The following NINL variants were observed in gnomAD, a reference collection of about 807,000 sequenced individuals.
The protein encoded by NINL is ninein like, also known as ninein-like protein.
NINL carries 153 observed loss-of-function variants against 160.3 expected under a neutral mutation model. That is an observed-to-expected ratio of 0.95 (90% CI 0.84 to 1.09). The LOEUF is 1.09. Ranked by LOEUF, NINL falls within the 50% of genes least tolerant of loss-of-function variation. NINL has a pLI of 0.00. For missense variants in NINL, 1,829 were observed against 1,764.0 expected (o/e 1.04, Z -0.66); for synonymous variants, 800 against 734.8 (o/e 1.09, Z -1.43).
Position 25,479,107 on chromosome 20 carries a change from C to G in NINL, c.2017G>C (p.Glu673Gln). ...QARRREVSVL[E>Q]GQKADLEELH... The stretch of plus-strand genomic sequence containing the variant: ...TCCTCCAGGTCGGCCTTCTGACCCT[C>G]CAGCACGCTGACCTCGCGCCTGCGA... The change falls in exon 16 of 24, where the codon GAG becomes CAG. Residue 673 changes from glutamate (E) to glutamine (Q), a missense_variant. By Grantham distance (29) the Glu-to-Gln change is conservative. Coordinates refer to ENST00000278886, the MANE Select transcript of NINL (RefSeq NM_025176.6). 2 of 1,613,828 alleles carry G rather than the reference C, an allele frequency of 1.2e-6. No homozygotes were observed. Among genetic ancestry groups the G allele is most frequent in the Non-Finnish European group, 1.7e-6 (2 of 1,180,036 alleles).
chr20:25,565,926 C>T (rs1400810547), intron 1 of NINL, among the ~76,000 whole-genome samples: 2 of 152,168 alleles, frequency 1.3e-5, no homozygotes, highest in African/African-American at 2.4e-5. Context: ...CTTACACTGG[C>T]GACCCCCGCA....
At chr20:25,481,346 G>C (rs1040426126) in intron 14 of NINL, among the ~76,000 whole-genome samples, 1 of 152,134 alleles carries the variant, frequency 6.6e-6, no homozygotes. Context: ...CCTCCAAAGG[G>C]AGCACCACAG....
At chr20:25,468,390 T>C (rs1436375434) in intron 18 of NINL, among the ~76,000 whole-genome samples, 2 of 140,982 alleles carry the variant, frequency 1.4e-5, no homozygotes, top group African/African-American at 5.4e-5. Flanking sequence ...CCCTGCTCTG[T>C]CCCCCGACTC....
intron 1 of NINL, chr20:25,539,998 A>ACTGTAATAAT: frequency 7.8e-7 from 1 of 1,285,458 alleles, no homozygotes; most frequent in Non-Finnish European, 1.0e-6. Flanking sequence ...CAAGCAGCTC[A>ACTGTAATAAT]CTGTAATAAT....
At chr20:25,555,784 C>T (rs1350769495) in intron 1 of NINL, among the ~76,000 whole-genome samples, 4 of 152,270 alleles carry the variant, frequency 2.6e-5, no homozygotes, top group East Asian at 1.9e-4. Flanking sequence ...AAGCGATTCT[C>T]GTGCCTCAGC....
In NINL at chr20:25,453,462, G is replaced by A; in HGVS notation, c.4138C>T (p.Leu1380Phe). The A allele has an allele frequency of 6.2e-7, 1 of 1,608,914 alleles. No individual in the cohort carries two copies. Among genetic ancestry groups the A allele is most frequent in the Non-Finnish European group, 8.5e-7 (1 of 1,177,544 alleles). Residue 1380 changes from leucine to phenylalanine, a missense_variant, in exon 24 of 24, where the codon CTC (leucine) becomes TTC (phenylalanine). Physicochemically the swap from Leu to Phe is conservative, Grantham distance 22. Transcript: ENST00000278886. ...AAAATAATCTGTCTTTACACAGAGA[G>A]GGCTGCGGGGGCAATCCTACTGACG... Reference protein sequence around the residue: ...KLVSRIAPAALSV With the variant: ...KLVSRIAPAAFSV
intron 7 of NINL, among the ~76,000 whole-genome samples, chr20:25,501,462 G>A (rs2063866415): frequency 6.6e-6 from 1 of 152,200 alleles, no homozygotes; most frequent in Non-Finnish European, 1.5e-5. Context: ...TGGAAGGGCA[G>A]AAGTGCGCTG....
chr20:25,557,545 GA>G (rs374365028), intron 1 of NINL, among the ~76,000 whole-genome samples: 19 of 143,970 alleles, frequency 1.3e-4, no homozygotes, highest in Middle Eastern at 3.6e-3. Context: ...AAAAGAAAAG[GA>G]AAAAAAAAAG....
intron 1 of NINL, among the ~76,000 whole-genome samples, chr20:25,543,324 C>T (rs1265468468): frequency 1.3e-5 from 2 of 152,134 alleles, no homozygotes; most frequent in African/African-American, 2.4e-5. Context: ...CTAAGGCACA[C>T]AGACAGCTTG....
chr20:25,536,855 A>C (rs1450837153), intron 1 of NINL, among the ~76,000 whole-genome samples: 1 of 152,238 alleles, frequency 6.6e-6, no homozygotes, highest in Non-Finnish European at 1.5e-5. Context: ...ACAACAGCAA[A>C]AATGCACAGT....
rs533301614 is a variant in NINL, at chr20:25,549,504, C to T, written c.-11-22906G>A. 1.2e-4 allele frequency among the ~76,000 whole-genome samples: 19 copies of T among 152,344 alleles called. No individual in the cohort carries two copies. In the South Asian group the frequency reaches 3.9e-3, roughly 32 times the overall value. On this transcript the variant is annotated intron_variant, in intron 1 of 23. Transcript: ENST00000278886. ...CTCTCTGGCCGTTGCTCAGCATGGA[C>T]CTGGCTCTTAATGGACCCTCCATCA...
intron 17 of NINL, among the ~76,000 whole-genome samples, chr20:25,471,674 G>C (rs2063097503): frequency 6.6e-6 from 1 of 152,230 alleles, no homozygotes; most frequent in Non-Finnish European, 1.5e-5. Flanking sequence ...GGGGGACCTT[G>C]CAACCAATGC....
chr20:25,453,794 T>C (rs1046233458), intron 23 of NINL, 152 bp from the exon 24 acceptor site: 19 of 620,076 alleles, frequency 3.1e-5, no homozygotes, highest in Non-Finnish European at 4.5e-5. Flanking sequence ...TTCACGCCTG[T>C]AATCCCAGCA....
At chr20:25,494,358 C>A (rs557813002) in intron 10 of NINL, among the ~76,000 whole-genome samples, 1 of 151,918 alleles carries the variant, frequency 6.6e-6, no homozygotes, top group African/African-American at 2.4e-5. Context: ...GTCCCACATA[C>A]ACTCACAGCA....
intron 13 of NINL, among the ~76,000 whole-genome samples, chr20:25,484,957 C>T (rs769607193): frequency 2.0e-5 from 3 of 152,168 alleles, no homozygotes; most frequent in Non-Finnish European, 2.9e-5. Flanking sequence ...CACCAGCGAG[C>T]GGGGCACAAC....
intron 18 of NINL, among the ~76,000 whole-genome samples, chr20:25,468,341 G>A (rs1339778254): frequency 6.8e-6 from 1 of 146,820 alleles, no homozygotes; most frequent in Admixed American, 6.9e-5. Flanking sequence ...AACTCTCACT[G>A]GTGGCCTCCC....
At chr20:25,454,846 T>C (rs940669671) in intron 23 of NINL, among the ~76,000 whole-genome samples, 27 of 152,186 alleles carry the variant, frequency 1.8e-4, no homozygotes, top group African/African-American at 6.5e-4. Context: ...TTTTTGGTCT[T>C]TGCTCCTTAC....
intron 10 of NINL, among the ~76,000 whole-genome samples, chr20:25,494,364 C>G (rs73335348): frequency 0.019 from 2,896 of 151,896 alleles, 89 homozygotes; most frequent in African/African-American, 0.064. Context: ...CATACACTCA[C>G]AGCACCCACA....
intron 1 of NINL, among the ~76,000 whole-genome samples, chr20:25,557,707 G>C (rs1020351756): frequency 6.6e-6 from 1 of 152,020 alleles, no homozygotes; most frequent in Non-Finnish European, 1.5e-5. Context: ...AATTCCACAA[G>C]CATATTTGGA....
Sources: allele counts gnomAD v4.1 joint callset (sites outside exome capture counted in the v4.1 genomes callset), GRCh38; gene constraint gnomAD v4.1.1; transcripts MANE v1.5; gene names NCBI Gene and HGNC (gene_info 2026-07-23, HGNC 2026-07-21).